Variants in CPQ observed in about 807,000 individuals in gnomAD.
CPQ encodes the protein carboxypeptidase Q, also known as Ser-Met dipeptidase.
A neutral mutation model predicts 45.7 loss-of-function variants in CPQ; 37 were observed. The observed-to-expected ratio is 0.81, with a 90% CI of 0.62 to 1.07. The LOEUF is 1.07. CPQ is among the 50% of genes least tolerant of loss of function. The pLI, the probability that CPQ is intolerant of heterozygous loss-of-function variation, is 0.00. For synonymous variants in CPQ, 186 were observed against 205.8 expected (o/e 0.90, Z 0.82); for missense variants, 537 against 572.9 (o/e 0.94, Z 0.64).
At chr8:97,067,577 T>G (rs1187837924) in intron 7 of CPQ, among the ~76,000 whole-genome samples, 1 of 152,188 alleles carries the variant, frequency 6.6e-6, no homozygotes, top group African/African-American at 2.4e-5. Flanking sequence ...CTACATAGAT[T>G]TAAGATTTTT....
chr8:97,107,001 T>G (rs1811416363), intron 7 of CPQ, among the ~76,000 whole-genome samples: 1 of 152,088 alleles, frequency 6.6e-6, no homozygotes, highest in South Asian at 2.1e-4. Context: ...CAAGAACAAT[T>G]CTATTAGAAG....
chr8:96,864,335 TC>T (rs1811968673), intron 3 of CPQ, among the ~76,000 whole-genome samples: 1 of 152,090 alleles, frequency 6.6e-6, no homozygotes, highest in African/African-American at 2.4e-5. Flanking sequence ...TCTGGAGTTC[TC>T]TGATTTCCTG....
chr8:96,889,400 G>A (rs2130888033), intron 4 of CPQ, among the ~76,000 whole-genome samples: 1 of 152,254 alleles, frequency 6.6e-6, no homozygotes, highest in Non-Finnish European at 1.5e-5. Context: ...AGAGGTAGAA[G>A]TGCAGTTTGG....
intron 3 of CPQ, among the ~76,000 whole-genome samples, chr8:96,868,356 G>A (rs975332268): frequency 6.6e-6 from 1 of 152,026 alleles, no homozygotes; most frequent in Non-Finnish European, 1.5e-5. Flanking sequence ...ATAGACTCAT[G>A]TTCACCTTCA....
chr8:96,831,705 C>T (rs1466351580), intron 2 of CPQ, among the ~76,000 whole-genome samples: 10 of 152,046 alleles, frequency 6.6e-5, no homozygotes, highest in Admixed American at 6.6e-4. Context: ...CAGTGGCCCA[C>T]CTTGTCTGTG....
In CPQ at chr8:96,684,460, G is replaced by A. The variant is rs532678286; in HGVS notation, c.-35+39058G>A. 1.9e-4 allele frequency among the ~76,000 whole-genome samples: 29 copies of A among 152,284 alleles called. 1 individual carries two copies. The South Asian group carries it at 6.0e-3, about 32-fold the overall frequency. On this transcript the variant is annotated intron_variant, in intron 1 of 7. Transcript: ENST00000220763. Reference sequence around the variant, plus strand: ...TGCCTGTCCTCAAGTCCCTGATGGTGGATGCAGGTGTTAGCTGTGGCAGGT... The same window carrying A: ...TGCCTGTCCTCAAGTCCCTGATGGTAGATGCAGGTGTTAGCTGTGGCAGGT...
At chr8:96,683,979 T>C (rs985027620) in intron 1 of CPQ, among the ~76,000 whole-genome samples, 3 of 152,200 alleles carry the variant, frequency 2.0e-5, no homozygotes, top group African/African-American at 7.2e-5. Flanking sequence ...TGTGTTTTCT[T>C]GTATCTCACT....
At chr8:96,805,078 A>G (rs1016910346) in intron 2 of CPQ, among the ~76,000 whole-genome samples, 2 of 152,206 alleles carry the variant, frequency 1.3e-5, no homozygotes, top group African/African-American at 2.4e-5. Context: ...ATAGCTAATG[A>G]TGTGCAAGCA....
chr8:96,818,514 A>G (rs1002490291), intron 2 of CPQ, among the ~76,000 whole-genome samples: 2 of 152,064 alleles, frequency 1.3e-5, no homozygotes, highest in African/African-American at 4.8e-5. Context: ...AACAAACTCG[A>G]TTTGTAAAAA....
intron 1 of CPQ, among the ~76,000 whole-genome samples, chr8:96,693,852 C>T (rs1360043351): frequency 1.3e-5 from 2 of 151,774 alleles, no homozygotes; most frequent in African/African-American, 2.4e-5. Context: ...TGTAAATTAC[C>T]CATATCTTAA....
chr8:96,731,638 C>A (rs1022897040), intron 1 of CPQ, among the ~76,000 whole-genome samples: 1 of 151,952 alleles, frequency 6.6e-6, no homozygotes, highest in Non-Finnish European at 1.5e-5. Flanking sequence ...AACTGTTAAT[C>A]AATGGGGAGG....
chr8:96,911,043 G>A (rs538711424), intron 4 of CPQ, among the ~76,000 whole-genome samples: 2 of 152,018 alleles, frequency 1.3e-5, no homozygotes, highest in South Asian at 2.1e-4. Context: ...TTTAATAGTT[G>A]TAGTTAGGAC....
intron 2 of CPQ, among the ~76,000 whole-genome samples, 196 bp downstream of exon 2, chr8:96,785,526 T>A (rs1330624055): frequency 6.6e-6 from 1 of 152,152 alleles, no homozygotes; most frequent in Non-Finnish European, 1.5e-5. Flanking sequence ...TCATGTTGGA[T>A]CGCTTTTTAA....
intron 2 of CPQ, among the ~76,000 whole-genome samples, chr8:96,833,450 G>A (rs962592043): frequency 1.3e-5 from 2 of 152,038 alleles, no homozygotes; most frequent in African/African-American, 4.8e-5. Flanking sequence ...TGCCAAAATT[G>A]CCCTATTGTT....
intron 7 of CPQ, among the ~76,000 whole-genome samples, chr8:97,131,309 A>C (rs1489709562): frequency 6.6e-6 from 1 of 152,244 alleles, no homozygotes; most frequent in Non-Finnish European, 1.5e-5. Context: ...GAAAATATAA[A>C]GGAATCCAAA....
intron 5 of CPQ, among the ~76,000 whole-genome samples, chr8:97,018,011 A>C (rs546535700): frequency 6.6e-6 from 1 of 152,260 alleles, no homozygotes; most frequent in African/African-American, 2.4e-5. Flanking sequence ...CCTCCACCAG[A>C]GCAGATGCTA....
At chr8:97,067,912 TTC>T (rs1246652510) in intron 7 of CPQ, among the ~76,000 whole-genome samples, 6 of 152,206 alleles carry the variant, frequency 3.9e-5, no homozygotes, top group African/African-American at 1.4e-4. Context: ...TCTAGATTTT[TTC>T]TGAGCCTGAA....
intron 5 of CPQ, among the ~76,000 whole-genome samples, chr8:97,024,819 T>C (rs1809770422): frequency 6.6e-6 from 1 of 152,222 alleles, no homozygotes; most frequent in South Asian, 2.1e-4. Context: ...TCTTTAAGTG[T>C]AGGCACTCTC....
At chr8:96,942,945 C>G (rs984064606) in intron 4 of CPQ, among the ~76,000 whole-genome samples, 6 of 152,168 alleles carry the variant, frequency 3.9e-5, no homozygotes, top group Non-Finnish European at 7.4e-5. Context: ...CCTCTAGGAG[C>G]TGCAGCCAGA....
Sources: gnomAD v4.1 joint callset for allele counts (sites outside exome capture counted in the v4.1 genomes callset) on GRCh38, gnomAD v4.1.1 for gene constraint, MANE v1.5 for transcripts, NCBI Gene and HGNC (gene_info 2026-07-23, HGNC 2026-07-21) for gene names.